The following SPEF2 variants were observed in gnomAD, a reference collection of about 807,000 sequenced individuals.
SPEF2 encodes the protein sperm flagella and cilia-associated protein 2.
A neutral mutation model predicts 224.6 loss-of-function variants in SPEF2; 187 were observed. The ratio of observed to expected loss-of-function variants is 0.83; its 90% CI spans 0.74 to 0.94. The LOEUF (loss-of-function observed/expected upper bound fraction) is 0.94, where lower values mean the gene tolerates loss of function less well. SPEF2 is among the 40% of genes least tolerant of loss of function. The probability of loss-of-function intolerance (pLI) is 0.00; values close to 1 mark genes in which losing one functional copy is unlikely to be tolerated. For missense variants in SPEF2, 2,170 were observed against 2,135.6 expected (o/e 1.02, Z -0.32); for synonymous variants, 715 against 707.3 (o/e 1.01, Z -0.17).
chr5:35,802,834 C>A (rs1476818013), intron 34 of SPEF2, among the ~76,000 whole-genome samples: 1 of 152,090 alleles, frequency 6.6e-6, no homozygotes, highest in African/African-American at 2.4e-5. Context: ...ACTGCAGGGA[C>A]CTTAGCTTTA....
chr5:35,622,310 TG>T (rs1743636522), intron 1 of SPEF2, among the ~76,000 whole-genome samples: 1 of 152,210 alleles, frequency 6.6e-6, no homozygotes, highest in Admixed American at 6.5e-5. Flanking sequence ...TTTGGTCTTT[TG>T]TCCTAATATT....
intron 36 of SPEF2, among the ~76,000 whole-genome samples, chr5:35,812,823 A>G (rs2149881852): frequency 6.6e-6 from 1 of 152,368 alleles, no homozygotes; most frequent in East Asian, 1.9e-4. Context: ...TATAAGTGCG[A>G]ACTGAAGGAG....
In SPEF2 at chr5:35,806,884, G is replaced by A. The variant is rs1758131240; in HGVS notation, c.5188G>A (p.Gly1730Arg). The change falls in exon 35 of 37, where the codon GGG becomes AGG. Residue 1730 changes from glycine (G) to arginine (R), a missense_variant. Coordinates refer to ENST00000356031, the MANE Select transcript of SPEF2 (RefSeq NM_024867.4). ...SMETLLKVFK[G>R]GSEAQDSNRF... ...GGAAACACTACTCAAAGTGTTCAAA[G>A]GGGGAAGTGAAGCACAGGACTCCAA... 1 of 1,614,052 alleles carries A rather than the reference G, an allele frequency of 6.2e-7. No individual in the cohort carries two copies. Among genetic ancestry groups the A allele is most frequent in the Non-Finnish European group, 8.5e-7 (1 of 1,179,988 alleles).
At chr5:35,668,824 T>A (rs1750867452) in intron 9 of SPEF2, among the ~76,000 whole-genome samples, 1 of 152,080 alleles carries the variant, frequency 6.6e-6, no homozygotes, top group African/African-American at 2.4e-5. Context: ...ACTACTTTAG[T>A]GGGTTGCAAT....
rs747356153 is a variant in SPEF2 at position 35,740,277 on chromosome 5, T to C, written c.3330+10T>C. On this transcript the variant is annotated intron_variant, in intron 23 of 36. Transcript: ENST00000356031. ...ACATCAACGAGTGAATGTAAGGAAA[T>C]AGTGACCTATTGGGACAGGGTTAGC... 4.3e-6 allele frequency: 7 copies of C among 1,613,606 alleles called. No individual in the cohort carries two copies. Among genetic ancestry groups the C allele is most frequent in the Non-Finnish European group, 5.9e-6 (7 of 1,179,894 alleles).
Position 35,776,339 on chromosome 5 carries a change from T to G in SPEF2, c.4161T>G (p.Asp1387Glu). The change falls in exon 29 of 37, where the codon GAT becomes GAG. Residue 1387 changes from aspartate (D) to glutamate (E), a missense_variant. Physicochemically the swap from Asp to Glu is conservative, Grantham distance 45 (BLOSUM62 2). Transcript: ENST00000356031. ...AAGATTTAGTAACAAAGGTGGTTGA[T>G]GTATATAAACTCATGGAAAAATGGC... ...LLEDLVTKVV[D>E]VYKLMEKWLG... 1.9e-6 allele frequency: 3 copies of G among 1,613,120 alleles called. No homozygotes were observed. Among genetic ancestry groups the G allele is most frequent in the Non-Finnish European group, 2.5e-6 (3 of 1,179,494 alleles).
intron 2 of SPEF2, among the ~76,000 whole-genome samples, chr5:35,631,151 C>A (rs529379354): frequency 1.3e-5 from 2 of 152,156 alleles, no homozygotes; most frequent in East Asian, 1.9e-4. Flanking sequence ...GAGGAGCAAG[C>A]CACATCTTAC....
chr5:35,700,704 T>C lies in SPEF2; in HGVS notation c.2350T>C (p.Leu784=). Reference sequence around the variant, plus strand: ...TCCTGCATTTGATTTTGTCATATTATTAGATGTTTCAGATACTTCCTCAAT... The same window carrying C: ...TCCTGCATTTGATTTTGTCATATTACTAGATGTTTCAGATACTTCCTCAAT... ...PSPAFDFVIL[L]DVSDTSSMSR... The change falls in exon 16 of 37, where the codon TTA becomes CTA. Residue 784 remains leucine, a synonymous_variant. Transcript: ENST00000356031. 1 of 1,613,988 alleles carries C rather than the reference T, an allele frequency of 6.2e-7. No individual in the cohort carries two copies. The highest frequency in any genetic ancestry group is 2.2e-5 in the East Asian group (1 of 44,870).
intron 21 of SPEF2, among the ~76,000 whole-genome samples, 153 bp downstream of exon 21, chr5:35,727,976 CAT>C (rs752562048): frequency 1.3e-5 from 2 of 152,008 alleles, no homozygotes; most frequent in Non-Finnish European, 2.9e-5. Context: ...CTCAATGACC[CAT>C]ATCTCATCCT....
chr5:35,676,491 G>A (rs1429212130), intron 10 of SPEF2, among the ~76,000 whole-genome samples: 1 of 152,158 alleles, frequency 6.6e-6, no homozygotes, highest in Non-Finnish European at 1.5e-5. Flanking sequence ...CACTTTGGGA[G>A]GCCAAGGCAG....
rs1025983449 is a variant in SPEF2, at chr5:35,709,241, G to A, written c.2839+120G>A. On this transcript the variant is annotated intron_variant, in intron 19 of 36. Transcript: ENST00000356031. ...GGCAACTTCAATCATATGAAACAAG[G>A]CTTTACACTCAGATGGAAGTGGAAA... 4.0e-6 allele frequency: 6 copies of A among 1,501,782 alleles called. No homozygotes were observed. The African/African-American group carries it at 8.5e-5, about 21-fold the overall frequency. The allele number at this position is 1,501,782 out of a possible 1,614,324, so 93.0% of individuals were successfully genotyped here.
intron 27 of SPEF2, 47 bp from the exon 28 acceptor site, chr5:35,773,846 C>G (rs755288755): frequency 6.3e-7 from 1 of 1,588,180 alleles, no homozygotes; most frequent in African/African-American, 1.4e-5. Flanking sequence ...TATGTGCACA[C>G]CTTTGTATTT....
At chr5:35,662,234 G>C (rs532488499) in intron 8 of SPEF2, among the ~76,000 whole-genome samples, 1 of 152,134 alleles carries the variant, frequency 6.6e-6, no homozygotes, top group East Asian at 1.9e-4. Flanking sequence ...CTTTTGAAAA[G>C]TGTCTGTTCA....
chr5:35,776,216 C>G (rs1561346713), intron 28 of SPEF2, 41 bp from the exon 29 acceptor site: 4 of 1,577,114 alleles, frequency 2.5e-6, no homozygotes, highest in Non-Finnish European at 3.4e-6. Flanking sequence ...AATGCATGCA[C>G]TGCAATATGT....
intron 29 of SPEF2, among the ~76,000 whole-genome samples, 195 bp downstream of exon 29, chr5:35,776,590 A>C (rs1037338465): frequency 3.9e-5 from 6 of 152,220 alleles, no homozygotes; most frequent in African/African-American, 1.4e-4. Context: ...ACAGTAAATC[A>C]TGCATCAAAG....
In SPEF2 at chr5:35,700,765, C is replaced by T; in HGVS notation, c.2398+13C>T. On this transcript the variant is annotated intron_variant, in intron 16 of 36. Transcript: ENST00000356031. ...AATGATATTATAGGTAAGCTGGACA[C>T]CTTTTTTGACACTCTTTTTACAATG... The T allele has an allele frequency of 6.2e-7, 1 of 1,610,870 alleles. No homozygotes were observed.
intron 8 of SPEF2, among the ~76,000 whole-genome samples, chr5:35,665,566 G>A (rs1750356305): frequency 6.6e-6 from 1 of 151,772 alleles, no homozygotes; most frequent in African/African-American, 2.4e-5. Context: ...TCCCTTAAAG[G>A]TTTTTTTTCC....
intron 33 of SPEF2, among the ~76,000 whole-genome samples, chr5:35,798,902 C>T (rs1048917856): frequency 2.6e-5 from 4 of 152,296 alleles, no homozygotes; most frequent in Non-Finnish European, 5.9e-5. Context: ...TGGCCTCTCT[C>T]ATTTCTTTGA....
At chr5:35,709,747 CA>C (rs1269096934) in intron 19 of SPEF2, 1 of 985,148 alleles carries the variant, frequency 1.0e-6, no homozygotes, top group Non-Finnish European at 1.2e-6. Context: ...CATTAAGTGG[CA>C]GACAATGAAT....
Sources: allele counts gnomAD v4.1 joint callset (sites outside exome capture counted in the v4.1 genomes callset), GRCh38; gene constraint gnomAD v4.1.1; transcripts MANE v1.5; gene names NCBI Gene and HGNC (gene_info 2026-07-23, HGNC 2026-07-21).